SHANK2: variants seen among roughly 807,000 people sequenced by gnomAD.
SHANK2 encodes SH3 and multiple ankyrin repeat domains protein 2.
Under a neutral mutation model 133.7 loss-of-function variants are expected in SHANK2, and 43 were observed. The ratio of observed to expected loss-of-function variants is 0.32; its 90% confidence interval spans 0.25 to 0.41. The LOEUF (loss-of-function observed/expected upper bound fraction) is 0.41, where lower values mean the gene tolerates loss of function less well. Among genes scored for constraint, SHANK2 ranks in the 10% least tolerant of loss-of-function variants. The probability of loss-of-function intolerance (pLI) is 1.00; values close to 1 mark genes in which losing one functional copy is unlikely to be tolerated. For synonymous variants in SHANK2, 1,017 were observed against 952.8 expected, an observed-to-expected ratio of 1.07 and a Z score of -1.24; for missense variants, 1,994 against 2,235.8, an observed-to-expected ratio of 0.89 and a Z score of 2.18.
chr11:70,853,763 T>A (rs1949127333), intron 11 of SHANK2, among the ~76,000 whole-genome samples: 1 of 152,148 alleles, frequency 6.6e-6, no homozygotes, highest in Non-Finnish European at 1.5e-5. Context: ...GAGTCCAAAA[T>A]TAGGGCTGTG....
In SHANK2 at chr11:70,487,908, G is replaced by A. The variant is rs1032292472; in HGVS notation, c.2573-188C>T. Reference sequence around the variant, plus strand: ...TGGCCCGTCGTGAGCCAAAGGACAAGAAAGGGAAGAACAGAAAGGCACTGG... The same window carrying A: ...TGGCCCGTCGTGAGCCAAAGGACAAAAAAGGGAAGAACAGAAAGGCACTGG... On this transcript the variant is annotated intron_variant, in intron 24 of 25. Coordinates refer to ENST00000601538, the MANE Select transcript of SHANK2 (RefSeq NM_012309.5). This position sits in a 1 kb window ranked among gnomAD's most constrained non-coding sequence, Gnocchi z 5.8. Among the ~76,000 whole-genome samples, 14 of 152,348 alleles carry A rather than the reference G, an allele frequency of 9.2e-5. No individual in the cohort carries two copies.
intron 15 of SHANK2, among the ~76,000 whole-genome samples, chr11:70,663,307 C>T (rs1000826233): frequency 6.6e-6 from 1 of 152,128 alleles, no homozygotes; most frequent in Non-Finnish European, 1.5e-5. Context: ...CTGGTGACAG[C>T]ACAGCCACCC....
intron 3 of SHANK2, among the ~76,000 whole-genome samples, chr11:71,124,531 T>A (rs1220253597): frequency 6.6e-6 from 1 of 152,086 alleles, no homozygotes; most frequent in South Asian, 2.1e-4. Context: ...ACTTTTTGTA[T>A]AATATTATTA....
intron 17 of SHANK2, among the ~76,000 whole-genome samples, chr11:70,529,625 C>T (rs1441491977): frequency 6.6e-6 from 1 of 152,186 alleles, no homozygotes; most frequent in African/African-American, 2.4e-5. Context: ...CACTTTGCAA[C>T]CACCACCTCT....
In SHANK2 at chr11:70,928,257, G is replaced by A. The variant is rs550655362; in HGVS notation, c.1108-31690C>T. ...GCCATGGAGCTGCCCCCTCCACCAT[G>A]CATTCCAAAGGTGTCTAGAAGGGAA... On this transcript the variant is annotated intron_variant, in intron 10 of 25. Coordinates refer to ENST00000601538, the MANE Select transcript of SHANK2 (RefSeq NM_012309.5). Among the ~76,000 whole-genome samples, 105 of 152,242 alleles carry A rather than the reference G, an allele frequency of 6.9e-4. No individual in the cohort carries two copies. The South Asian group carries it at 0.02, about 29-fold the overall frequency.
intron 11 of SHANK2, among the ~76,000 whole-genome samples, chr11:70,892,597 G>A (rs1292217895): frequency 2.0e-5 from 3 of 152,208 alleles, no homozygotes; most frequent in Non-Finnish European, 4.4e-5. Context: ...AGCATCAGAT[G>A]GACATGGGGT....
chr11:70,569,928 A>C lies in SHANK2; in HGVS notation c.2062-66997T>G, dbSNP rs1554982747. On this transcript the variant is annotated intron_variant, in intron 17 of 25. Coordinates refer to ENST00000601538, the MANE Select transcript of SHANK2 (RefSeq NM_012309.5). The surrounding 1 kb of genome is among the most constrained non-coding windows in gnomAD (Gnocchi z 5.1). ...GACAGAGACACTCACCGAGACAGAG[A>C]CACAGAGACATAGAGAGAGAGAGAG... Among the ~76,000 whole-genome samples, 1 of 144,374 alleles carries C rather than the reference A, an allele frequency of 6.9e-6. No homozygotes were observed. Among genetic ancestry groups the C allele is most frequent in the Admixed American group, 6.8e-5 (1 of 14,702 alleles). 94.7% of individuals were successfully genotyped at this position (144,374 alleles called of 152,430 possible). A position where few individuals can be genotyped will look rare whatever the true frequency, so the allele number is the denominator to read the frequency against.
intron 10 of SHANK2, among the ~76,000 whole-genome samples, chr11:70,931,942 A>G (rs571222577): frequency 6.6e-6 from 1 of 152,378 alleles, no homozygotes; most frequent in Admixed American, 6.5e-5. Context: ...ATTCGAAATT[A>G]GCATAACAAA....
intron 17 of SHANK2, among the ~76,000 whole-genome samples, chr11:70,550,156 C>T (rs765541950): frequency 2.0e-5 from 3 of 152,194 alleles, no homozygotes; most frequent in Non-Finnish European, 4.4e-5. Flanking sequence ...AAGGGAGGCA[C>T]CATCAACCCA....
At chr11:70,780,338 C>T (rs1243895300) in intron 14 of SHANK2, among the ~76,000 whole-genome samples, 1 of 152,082 alleles carries the variant, frequency 6.6e-6, no homozygotes, top group Non-Finnish European at 1.5e-5. Flanking sequence ...CCCAGGGCTC[C>T]AGGCCAGCTC....
At position 70,485,249 on chromosome 11, in the gene SHANK2, C is replaced by A. The variant is rs565025099; in HGVS notation, c.4979+65G>T. ...GTCCGCTGGGGCTGCTACCCGAGGG[C>A]CTTTCCTGGTCAGCAGGGACAGTGC... On this transcript the variant is annotated intron_variant, in intron 25 of 25. Coordinates refer to ENST00000601538, the MANE Select transcript of SHANK2 (RefSeq NM_012309.5). The surrounding 1 kb of genome is among the most constrained non-coding windows in gnomAD (Gnocchi z 5.8). 43 of 1,412,554 alleles carry A rather than the reference C, an allele frequency of 3.0e-5. No homozygotes were observed. The African/African-American group carries it at 5.3e-4, about 18-fold the overall frequency. The allele number at this position is 1,412,554 out of a possible 1,614,324, so 87.5% of individuals were successfully genotyped here.
chr11:70,881,057 AAACAG>A (rs1437207569), intron 11 of SHANK2, among the ~76,000 whole-genome samples: 1 of 152,186 alleles, frequency 6.6e-6, no homozygotes, highest in Non-Finnish European at 1.5e-5. Context: ...TTGTTAATAG[AAACAG>A]AATCTCTGTC....
At chr11:70,542,251 C>T (rs1166108953) in intron 17 of SHANK2, among the ~76,000 whole-genome samples, 3 of 152,196 alleles carry the variant, frequency 2.0e-5, no homozygotes, top group African/African-American at 7.2e-5. Context: ...GAGATGAGAT[C>T]ATCCTCGGTT....
At chr11:71,199,823 G>C (rs1294934362) in intron 2 of SHANK2, among the ~76,000 whole-genome samples, 3 of 152,184 alleles carry the variant, frequency 2.0e-5, no homozygotes, top group African/African-American at 7.2e-5. Flanking sequence ...GCCGTGAGCT[G>C]CTGGGGACAG....
chr11:70,875,814 C>G (rs1163006248), intron 11 of SHANK2, among the ~76,000 whole-genome samples: 1 of 150,308 alleles, frequency 6.7e-6, no homozygotes, highest in Admixed American at 6.7e-5. Context: ...GGTGAATGCA[C>G]TGCTGCACAC....
chr11:70,942,151 C>A (rs1430077595), intron 10 of SHANK2, among the ~76,000 whole-genome samples: 1 of 151,974 alleles, frequency 6.6e-6, no homozygotes, highest in East Asian at 1.9e-4. Flanking sequence ...CACACCACTG[C>A]ACTTCAGCCT....
intron 3 of SHANK2, among the ~76,000 whole-genome samples, chr11:71,123,641 TGAG>T (rs1451341645): frequency 1.3e-5 from 2 of 152,188 alleles, no homozygotes. Flanking sequence ...AAGTTCTCCT[TGAG>T]GAGAACAGTA....
chr11:70,852,837 T>C (rs1590759412), intron 11 of SHANK2, among the ~76,000 whole-genome samples: 1 of 152,204 alleles, frequency 6.6e-6, no homozygotes, highest in Non-Finnish European at 1.5e-5. Context: ...AGCAAGACTC[T>C]GTCTCAATCA....
intron 2 of SHANK2, among the ~76,000 whole-genome samples, chr11:71,157,677 T>A (rs1372123699): frequency 6.6e-6 from 1 of 152,220 alleles, no homozygotes; most frequent in Non-Finnish European, 1.5e-5. Context: ...CTTCATTTTA[T>A]GACAGGTTTC....
Sources: allele counts gnomAD v4.1 joint callset (sites outside exome capture counted in the v4.1 genomes callset), GRCh38; gene constraint gnomAD v4.1.1; non-coding constraint Gnocchi (gnomAD v3.1); transcripts MANE v1.5; gene names NCBI Gene and HGNC (gene_info 2026-07-23, HGNC 2026-07-21).